GALNT17: variants seen among roughly 807,000 people sequenced by gnomAD.
The protein encoded by GALNT17 is UDP-GalNAc:polypeptide N-acetylgalactosaminyltransferase-like 3.
Under a neutral mutation model 63.7 loss-of-function variants are expected in GALNT17, and 29 were observed. The ratio of observed to expected loss-of-function variants is 0.46; its 90% confidence interval spans 0.34 to 0.62. The LOEUF (loss-of-function observed/expected upper bound fraction) is 0.62. Ranked by LOEUF, GALNT17 falls within the 20% of genes least tolerant of loss-of-function variation. GALNT17 has a pLI of 0.01. For synonymous variants in GALNT17, 305 were observed against 318.3 expected, an observed-to-expected ratio of 0.96 and a Z score of 0.45; for missense variants, 603 against 799.6, an observed-to-expected ratio of 0.75 and a Z score of 2.97.
chr7:71,505,115 T>C (rs1162173844), intron 5 of GALNT17, among the ~76,000 whole-genome samples: 2 of 152,208 alleles, frequency 1.3e-5, no homozygotes, highest in Non-Finnish European at 2.9e-5. Flanking sequence ...GAACCCAGTG[T>C]GCTCTGGTCT....
chr7:71,447,647 C>T (rs937581011), intron 5 of GALNT17, among the ~76,000 whole-genome samples: 1 of 152,126 alleles, frequency 6.6e-6, no homozygotes, highest in Non-Finnish European at 1.5e-5. Context: ...CTTATTAATA[C>T]TTATATTATT....
Position 71,383,454 on chromosome 7 carries a change from A to G in GALNT17, c.423-4781A>G, listed in dbSNP as rs1160623731. Among the ~76,000 whole-genome samples, 5 of 152,132 alleles carry G rather than the reference A, an allele frequency of 3.3e-5. No homozygotes were observed. The East Asian group carries it at 9.6e-4, about 29-fold the overall frequency. On this transcript the variant is annotated intron_variant, in intron 2 of 10. Transcript: ENST00000333538. Reference sequence around the variant, plus strand: ...ATTTTATATCATTATTATTATTGTTATTGAGACTGAGTCTTGCTCTGTCGC... The same window carrying G: ...ATTTTATATCATTATTATTATTGTTGTTGAGACTGAGTCTTGCTCTGTCGC...
At chr7:71,305,185 A>G (rs1389492088) in intron 1 of GALNT17, among the ~76,000 whole-genome samples, 8 of 151,608 alleles carry the variant, frequency 5.3e-5, no homozygotes, top group South Asian at 2.1e-4. Flanking sequence ...TTTTTCTTCT[A>G]TCACATATAA....
chr7:71,559,397 A>G (rs1032590035), intron 5 of GALNT17, among the ~76,000 whole-genome samples: 1 of 152,140 alleles, frequency 6.6e-6, no homozygotes, highest in Non-Finnish European at 1.5e-5. Flanking sequence ...CTGGTCTGGG[A>G]GGCAGTTGGG....
chr7:71,289,355 T>C (rs1038997082), intron 1 of GALNT17, among the ~76,000 whole-genome samples: 4 of 152,192 alleles, frequency 2.6e-5, no homozygotes, highest in African/African-American at 7.2e-5. Flanking sequence ...TACAGAGATA[T>C]ATTTATATGT....
chr7:71,711,975 C>CCTCTCTCTCTTCTCCTCTCTT, intron 10 of GALNT17, 43 bp from the exon 11 acceptor site: 1 of 1,605,100 alleles, frequency 6.2e-7, no homozygotes, highest in Non-Finnish European at 8.5e-7. Context: ...GTCTCTCTCT[C>CCTCTCTCTCTTCTCCTCTCTT]CTCTCTCTCT....
chr7:71,670,709 A>G (rs981919371), intron 8 of GALNT17, among the ~76,000 whole-genome samples: 1 of 152,176 alleles, frequency 6.6e-6, no homozygotes, highest in African/African-American at 2.4e-5. Context: ...TTTCACCTTC[A>G]CCTTATGAGA....
At chr7:71,455,193 G>A (rs765389812) in intron 5 of GALNT17, among the ~76,000 whole-genome samples, 2 of 151,978 alleles carry the variant, frequency 1.3e-5, no homozygotes, top group Non-Finnish European at 2.9e-5. Flanking sequence ...AGGAATGCTG[G>A]TCAGTTGTTC....
intron 1 of GALNT17, among the ~76,000 whole-genome samples, chr7:71,244,231 C>T (rs1239889745): frequency 1.3e-5 from 2 of 152,196 alleles, no homozygotes; most frequent in Admixed American, 1.3e-4. Context: ...CTTCTTGGCT[C>T]CCACTTGCTC....
chr7:71,221,908 A>ATTTTTTTTTTTTTTTTTTTTTTTTT (rs370780821), intron 1 of GALNT17, among the ~76,000 whole-genome samples: 1 of 114,682 alleles, frequency 8.7e-6, no homozygotes, highest in African/African-American at 3.1e-5. Flanking sequence ...CCTTATTTAG[A>ATTTTTTTTTTTTTTTTTTTTTTTTT]TTTTTTTTTT....
chr7:71,485,655 A>G (rs956578028), intron 5 of GALNT17, among the ~76,000 whole-genome samples: 5 of 152,180 alleles, frequency 3.3e-5, no homozygotes, highest in African/African-American at 1.2e-4. Flanking sequence ...TTTCTGCTCA[A>G]GAAATACCTC....
chr7:71,522,963 C>G (rs187803661), intron 5 of GALNT17, among the ~76,000 whole-genome samples: 4 of 152,056 alleles, frequency 2.6e-5, no homozygotes, highest in Admixed American at 2.6e-4. Context: ...CCCAGGATGT[C>G]GGGAGGTGGA....
At chr7:71,289,318 G>A (rs1371130119) in intron 1 of GALNT17, among the ~76,000 whole-genome samples, 2 of 149,690 alleles carry the variant, frequency 1.3e-5, no homozygotes, top group Non-Finnish European at 3.0e-5. Context: ...TTGCTTTTAT[G>A]TACATTTACT....
At chr7:71,445,391 T>A (rs1450375768) in intron 5 of GALNT17, among the ~76,000 whole-genome samples, 2 of 151,632 alleles carry the variant, frequency 1.3e-5, no homozygotes, top group Admixed American at 1.3e-4. Context: ...TAGATGGGGT[T>A]TTGCCATGTT....
At position 71,690,381 on chromosome 7, in the gene GALNT17, AAG is replaced by A. The variant is rs1163070427; in HGVS notation, c.1500+13077_1500+13078del. ...TCCCACTTCTCAGAAAAAAAAAAAA[AAG>A]ATTCCTTTCACAATATCACTGCTCA... On this transcript the variant is annotated intron_variant, in intron 9 of 10. Transcript: ENST00000333538. 2.6e-5 allele frequency among the ~76,000 whole-genome samples: 4 copies of A among 152,250 alleles called. No homozygotes were observed. In the East Asian group the frequency reaches 7.7e-4, roughly 29 times the overall value.
At chr7:71,349,093 C>T (rs927866677) in intron 2 of GALNT17, among the ~76,000 whole-genome samples, 3 of 152,234 alleles carry the variant, frequency 2.0e-5, no homozygotes, top group Non-Finnish European at 4.4e-5. Flanking sequence ...ATTTGTTTCT[C>T]AGCCCTGGGG....
chr7:71,292,668 AGTGT>A (rs201057078), intron 1 of GALNT17, among the ~76,000 whole-genome samples: 13,775 of 66,374 alleles, frequency 0.21, 970 homozygotes, highest in East Asian at 0.4. Context: ...AGAGAGAGAG[AGTGT>A]GTGTGTGTGT....
Position 71,159,764 on chromosome 7 carries a change from A to G in GALNT17, c.238+26724A>G, listed in dbSNP as rs545760716. Among the ~76,000 whole-genome samples the G allele has an allele frequency of 7.3e-5, 11 of 149,992 alleles. No homozygotes were observed. In the East Asian group the frequency reaches 1.6e-3, roughly 21 times the overall value. On this transcript the variant is annotated intron_variant, in intron 1 of 10. Transcript: ENST00000333538. Reference sequence around the variant, plus strand: ...CTGTCAGTCGCTGGTGTCAGTTAAGAGAGCCTCTGTTTTATTATTATTTTG... The same window carrying G: ...CTGTCAGTCGCTGGTGTCAGTTAAGGGAGCCTCTGTTTTATTATTATTTTG...
chr7:71,708,190 T>C (rs1245639938), intron 9 of GALNT17, among the ~76,000 whole-genome samples: 1 of 152,192 alleles, frequency 6.6e-6, no homozygotes, highest in Non-Finnish European at 1.5e-5. Context: ...TCCAGTCTTA[T>C]GCTGTTAATA....
Sources: allele counts gnomAD v4.1 joint callset (sites outside exome capture counted in the v4.1 genomes callset), GRCh38; gene constraint gnomAD v4.1.1; transcripts MANE v1.5; gene names NCBI Gene and HGNC (gene_info 2026-07-23, HGNC 2026-07-21).